Variants in CRACDL observed in about 807,000 individuals in gnomAD.
CRACDL encodes CRACD like, also known as CRACD-like protein.
A neutral mutation model predicts 70.6 loss-of-function variants in CRACDL; 26 were observed. That is an observed-to-expected ratio of 0.37 (90% confidence interval 0.27 to 0.51). CRACDL has a LOEUF of 0.51. Ranked by LOEUF, CRACDL falls within the 20% of genes least tolerant of loss-of-function variation. The pLI is 0.94. For synonymous variants in CRACDL, 618 were observed against 615.2 expected, an observed-to-expected ratio of 1.00 and a Z score of -0.07; for missense variants, 1,283 against 1,376.9, an observed-to-expected ratio of 0.93 and a Z score of 1.08.
chr2:98,822,594 T>C lies in CRACDL; in HGVS notation c.1679A>G (p.Lys560Arg). 1.4e-6 allele frequency: 2 copies of C among 1,431,512 alleles called. No individual in the cohort carries two copies. The highest frequency in any genetic ancestry group is 9.1e-7 in the Non-Finnish European group (1 of 1,098,132). The allele number at this position is 1,431,512 out of a possible 1,614,324, so 88.7% of individuals were successfully genotyped here. ...CAGCTCGGCACCGCCCCTCTCCGCC[T>C]TCCGCTCTGGCGCCGCCCTCTCGGC... Reference protein sequence around the residue: ...AGAERAAPERKAERGGAELRG... With the variant: ...AGAERAAPERRAERGGAELRG... Residue 560 changes from lysine (K) to arginine (R), a missense_variant, in exon 7 of 10, where the codon AAG becomes AGG. Physicochemically the swap from Lys to Arg is conservative, Grantham distance 26. Around this residue, in one of 2 missense-constraint regions of CRACDL, gnomAD observed 921 missense variants for 881.9 expected, o/e 1.04. Coordinates refer to ENST00000397899, the MANE Select transcript of CRACDL (RefSeq NM_207362.3). This position sits in a 1 kb window ranked among gnomAD's most constrained non-coding sequence, Gnocchi z 4.9.
chr2:98,929,829 G>A (rs932516035), intron 1 of CRACDL, among the ~76,000 whole-genome samples: 2 of 152,140 alleles, frequency 1.3e-5, no homozygotes, highest in African/African-American at 4.8e-5. Context: ...ATAGGAAGTA[G>A]AGCAGGTGTA....
chr2:98,807,521 C>T (rs1704360940), intron 7 of CRACDL, among the ~76,000 whole-genome samples: 1 of 152,234 alleles, frequency 6.6e-6, no homozygotes, highest in African/African-American at 2.4e-5. Flanking sequence ...GGGGCCCATG[C>T]CTGCCCCAGC....
At chr2:98,865,715 C>CT (rs1460863224) in intron 1 of CRACDL, among the ~76,000 whole-genome samples, 3 of 151,920 alleles carry the variant, frequency 2.0e-5, no homozygotes, top group Non-Finnish European at 4.4e-5. Context: ...GACTTGACAG[C>CT]TGTACCCACA....
intron 1 of CRACDL, among the ~76,000 whole-genome samples, chr2:98,853,926 A>C (rs1706586929): frequency 6.6e-6 from 1 of 152,198 alleles, no homozygotes; most frequent in Non-Finnish European, 1.5e-5. Flanking sequence ...GAACACCCAA[A>C]AATTCAATTA....
intron 1 of CRACDL, among the ~76,000 whole-genome samples, chr2:98,932,712 T>C (rs1017498378): frequency 1.3e-5 from 2 of 152,120 alleles, no homozygotes; most frequent in Non-Finnish European, 2.9e-5. Flanking sequence ...CTTTTTCAGG[T>C]AATAAAAAGG....
At chr2:98,855,072 G>A (rs1002701108) in intron 1 of CRACDL, among the ~76,000 whole-genome samples, 3 of 152,316 alleles carry the variant, frequency 2.0e-5, no homozygotes, top group Non-Finnish European at 2.9e-5. Flanking sequence ...GGTGGATCAC[G>A]AGTTCAAGAC....
intron 1 of CRACDL, 118 bp from the exon 2 acceptor site, chr2:98,846,928 C>T: frequency 1.3e-6 from 1 of 790,252 alleles, no homozygotes; most frequent in Non-Finnish European, 2.2e-6. Context: ...CCAGCAAAGA[C>T]AGTCCAGGGC....
chr2:98,843,324 T>C (rs1424942051), intron 2 of CRACDL, among the ~76,000 whole-genome samples: 1 of 152,188 alleles, frequency 6.6e-6, no homozygotes, highest in Non-Finnish European at 1.5e-5. Context: ...GATTTATAAA[T>C]ATTTTCTTCT....
chr2:98,882,156 C>T (rs1213540313), intron 1 of CRACDL, among the ~76,000 whole-genome samples: 1 of 152,176 alleles, frequency 6.6e-6, no homozygotes, highest in African/African-American at 2.4e-5. Flanking sequence ...GGAACTCAGC[C>T]GGGCGACTAA....
chr2:98,911,105 T>C (rs13004700), intron 1 of CRACDL, among the ~76,000 whole-genome samples: 77,403 of 151,940 alleles, frequency 0.51, 21,383 homozygotes, highest in African/African-American at 0.72. Context: ...AACTGAGAGG[T>C]GAGAGACCCC....
At chr2:98,922,226 G>A (rs1476708825) in intron 1 of CRACDL, among the ~76,000 whole-genome samples, 1 of 151,814 alleles carries the variant, frequency 6.6e-6, no homozygotes, top group East Asian at 1.9e-4. Flanking sequence ...ATGAGGTCAA[G>A]AGTTCGAGAC....
intron 1 of CRACDL, among the ~76,000 whole-genome samples, chr2:98,851,968 G>A (rs1020967056): frequency 6.6e-6 from 1 of 152,064 alleles, no homozygotes; most frequent in African/African-American, 2.4e-5. Flanking sequence ...TTAAAAAAAG[G>A]GAATTGCAGT....
intron 1 of CRACDL, among the ~76,000 whole-genome samples, chr2:98,852,668 A>G (rs1484605818): frequency 6.6e-6 from 1 of 152,134 alleles, no homozygotes; most frequent in Non-Finnish European, 1.5e-5. Context: ...CAAGATGAAA[A>G]CTGTAATTTC....
chr2:98,850,028 C>T (rs1438233564), intron 1 of CRACDL, among the ~76,000 whole-genome samples: 3 of 152,354 alleles, frequency 2.0e-5, no homozygotes, highest in East Asian at 3.9e-4. Context: ...CTCACCACCA[C>T]GTGATACTGT....
intron 1 of CRACDL, among the ~76,000 whole-genome samples, chr2:98,873,579 G>A (rs1707406331): frequency 6.6e-6 from 1 of 152,236 alleles, no homozygotes; most frequent in South Asian, 2.1e-4. Flanking sequence ...AAATAGGCGA[G>A]AGGATCCCCC....
At chr2:98,853,489 A>G (rs191784012) in intron 1 of CRACDL, among the ~76,000 whole-genome samples, 79 of 152,326 alleles carry the variant, frequency 5.2e-4, no homozygotes, top group African/African-American at 1.8e-3. Flanking sequence ...CTAAAAAGTG[A>G]TATGTACTGC....
At chr2:98,813,372 C>T (rs1480329980) in intron 7 of CRACDL, among the ~76,000 whole-genome samples, 1 of 152,114 alleles carries the variant, frequency 6.6e-6, no homozygotes, top group Non-Finnish European at 1.5e-5. Flanking sequence ...ATGGAGGTTG[C>T]AGTGAGCCAA....
chr2:98,831,419 G>A (rs1705537760), intron 5 of CRACDL, among the ~76,000 whole-genome samples: 2 of 152,240 alleles, frequency 1.3e-5, no homozygotes, highest in South Asian at 4.1e-4. Context: ...CTGCAAGGCA[G>A]TGAGTCGCAA....
chr2:98,863,176 C>A (rs1410956191), intron 1 of CRACDL, among the ~76,000 whole-genome samples: 1 of 152,058 alleles, frequency 6.6e-6, no homozygotes, highest in Non-Finnish European at 1.5e-5. Context: ...TGACATACAA[C>A]AGATCTGCAA....
Sources: gnomAD v4.1 joint callset for allele counts (sites outside exome capture counted in the v4.1 genomes callset) on GRCh38, gnomAD v4.1.1 for gene constraint, gnomAD v4.1.1 regional missense constraint, Gnocchi (gnomAD v3.1) non-coding constraint, MANE v1.5 for transcripts, NCBI Gene and HGNC (gene_info 2026-07-23, HGNC 2026-07-21) for gene names.